The following ZNF804B variants were observed in gnomAD, a reference collection of about 807,000 sequenced individuals.
The protein encoded by ZNF804B is zinc finger protein 804B.
Under a neutral mutation model 101.4 loss-of-function variants are expected in ZNF804B, and 80 were observed. The observed-to-expected ratio is 0.79, with a 90% CI of 0.66 to 0.95. The LOEUF (loss-of-function observed/expected upper bound fraction) is 0.95, where lower values mean the gene tolerates loss of function less well. Among genes scored for constraint, ZNF804B ranks in the 40% least tolerant of loss-of-function variants. The pLI is 0.00. For synonymous variants in ZNF804B, 622 were observed against 558.8 expected (o/e 1.11, Z -1.59); for missense variants, 1,673 against 1,561.9 (o/e 1.07, Z -1.20).
At chr7:89,003,090 G>A (rs1442824748) in intron 1 of ZNF804B, among the ~76,000 whole-genome samples, 1 of 150,426 alleles carries the variant, frequency 6.6e-6, no homozygotes, top group East Asian at 1.9e-4. Context: ...GTAAGCTAAT[G>A]TACCACTAGA....
chr7:89,236,101 T>G (rs1357072360), intron 2 of ZNF804B, among the ~76,000 whole-genome samples: 1 of 152,108 alleles, frequency 6.6e-6, no homozygotes, highest in Non-Finnish European at 1.5e-5. Context: ...AGCAGGTAAA[T>G]TTTTATCATT....
At chr7:88,803,032 T>A (rs1790613957) in intron 1 of ZNF804B, among the ~76,000 whole-genome samples, 1 of 152,162 alleles carries the variant, frequency 6.6e-6, no homozygotes, top group African/African-American at 2.4e-5. Context: ...CCCAACCTTA[T>A]TTTTAAAAAG....
At chr7:89,230,794 T>A (rs1223029904) in intron 2 of ZNF804B, among the ~76,000 whole-genome samples, 24 of 152,100 alleles carry the variant, frequency 1.6e-4, no homozygotes, top group Admixed American at 1.6e-3. Flanking sequence ...TTATAGTATG[T>A]GTGTAGTGGT....
chr7:88,881,741 A>G (rs779354281), intron 1 of ZNF804B, among the ~76,000 whole-genome samples: 1 of 152,076 alleles, frequency 6.6e-6, no homozygotes, highest in Non-Finnish European at 1.5e-5. Flanking sequence ...GCAATTTTCC[A>G]TTATATATTT....
rs1562904583 is a variant in ZNF804B at position 89,171,359 on chromosome 7, C to CTTCT, written c.109-46795_109-46794insTCTT. On this transcript the variant is annotated intron_variant, in intron 1 of 3. Transcript: ENST00000333190. ...CTTCTTCTTCTTCTTCTTCTTCTTC[C>CTTCT]TCCTCTTCCTCTTCTTCCTCTTCTT... Among the ~76,000 whole-genome samples the CTTCT allele has an allele frequency of 8.0e-3, 533 of 66,714 alleles. 3 individuals are homozygous for CTTCT. The highest frequency in any genetic ancestry group is 9.6e-3 in the Non-Finnish European group (297 of 30,784). The allele number at this position is 66,714 out of a possible 152,430, so 43.8% of individuals were successfully genotyped here. A position where few individuals can be genotyped will look rare whatever the true frequency, so the allele number is the denominator to read the frequency against.
At chr7:88,806,876 G>T (rs1488757965) in intron 1 of ZNF804B, among the ~76,000 whole-genome samples, 1 of 151,886 alleles carries the variant, frequency 6.6e-6, no homozygotes, top group Admixed American at 6.6e-5. Flanking sequence ...TGCCTCCAGT[G>T]ATCTATTTGA....
intron 1 of ZNF804B, among the ~76,000 whole-genome samples, chr7:89,051,786 G>T (rs890545886): frequency 1.3e-5 from 2 of 152,082 alleles, no homozygotes; most frequent in East Asian, 1.9e-4. Flanking sequence ...AGCACAGACT[G>T]GTGTCAGACT....
intron 1 of ZNF804B, among the ~76,000 whole-genome samples, chr7:88,968,542 G>A (rs921527181): frequency 6.6e-6 from 1 of 151,630 alleles, no homozygotes; most frequent in Non-Finnish European, 1.5e-5. Flanking sequence ...ACAAGATTGT[G>A]TTGAGACTGA....
chr7:89,100,827 C>G (rs73391291), intron 1 of ZNF804B, among the ~76,000 whole-genome samples: 3,451 of 151,904 alleles, frequency 0.023, 156 homozygotes, highest in African/African-American at 0.079. Context: ...AACAAATTAT[C>G]TCACATACTA....
At chr7:88,788,772 G>A (rs745652527) in intron 1 of ZNF804B, among the ~76,000 whole-genome samples, 15 of 152,082 alleles carry the variant, frequency 9.9e-5, no homozygotes, top group Non-Finnish European at 1.9e-4. Context: ...TGAGGTCATG[G>A]CATTAATTAG....
intron 1 of ZNF804B, among the ~76,000 whole-genome samples, chr7:88,768,909 A>G (rs1194040748): frequency 6.6e-6 from 1 of 152,192 alleles, no homozygotes; most frequent in African/African-American, 2.4e-5. Context: ...TTTGCCATTG[A>G]CTAGTAATTT....
intron 1 of ZNF804B, among the ~76,000 whole-genome samples, chr7:88,888,395 A>AAT (rs758978336): frequency 2.4e-4 from 37 of 152,026 alleles, no homozygotes; most frequent in Non-Finnish European, 4.3e-4. Context: ...CTGCCTCAAA[A>AAT]ATATATATAT....
chr7:88,848,005 C>G (rs1026891027), intron 1 of ZNF804B, among the ~76,000 whole-genome samples: 6 of 152,102 alleles, frequency 3.9e-5, no homozygotes, highest in Non-Finnish European at 7.3e-5. Context: ...TTTGGTATGG[C>G]TAGAGCAATG....
At chr7:88,902,151 A>C (rs865983295) in intron 1 of ZNF804B, among the ~76,000 whole-genome samples, 2 of 152,010 alleles carry the variant, frequency 1.3e-5, no homozygotes, top group Admixed American at 1.3e-4. Flanking sequence ...GACTTTCTTG[A>C]CTAAGCCACA....
rs149405766 is a variant in ZNF804B, at chr7:89,241,367, C to G, written c.249+23072C>G. ...CCTTTGTTGGTGCTTTTTTCCTTCT[C>G]TGAACCACTACCTCTACTCCCTGCC... On this transcript the variant is annotated intron_variant, in intron 2 of 3. Transcript: ENST00000333190. Among the ~76,000 whole-genome samples the G allele has an allele frequency of 2.8e-3, 431 of 152,122 alleles. 3 individuals are homozygous for G. The highest frequency in any genetic ancestry group is 4.3e-3 in the Non-Finnish European group (294 of 67,972).
chr7:89,243,193 C>T (rs182405330), intron 2 of ZNF804B, among the ~76,000 whole-genome samples: 1 of 151,670 alleles, frequency 6.6e-6, no homozygotes, highest in African/African-American at 2.4e-5. Flanking sequence ...AAAAAATGGC[C>T]TTTATGAGTA....
chr7:89,218,311 A>G lies in ZNF804B; in HGVS notation c.249+16A>G. ...TCATAAGCAGGTAAGGCAAAGTGGG[A>G]AAAGTCCTTCATATTCCTGTATTTA... On this transcript the variant is annotated intron_variant, in intron 2 of 3. Transcript: ENST00000333190. 1 of 1,613,038 alleles carries G rather than the reference A, an allele frequency of 6.2e-7. No individual in the cohort carries two copies. Among genetic ancestry groups the G allele is most frequent in the South Asian group, 1.1e-5 (1 of 90,894 alleles).
intron 1 of ZNF804B, among the ~76,000 whole-genome samples, chr7:89,165,769 C>G (rs1415731198): frequency 1.3e-5 from 2 of 152,086 alleles, no homozygotes; most frequent in African/African-American, 4.8e-5. Context: ...GCAACTTCAA[C>G]TTGGTTCAAC....
intron 2 of ZNF804B, among the ~76,000 whole-genome samples, chr7:89,246,854 C>T (rs1463968791): frequency 6.6e-6 from 1 of 152,140 alleles, no homozygotes; most frequent in African/African-American, 2.4e-5. Context: ...AGATTGGCAA[C>T]CTGAGCTGCC....
Sources: gnomAD v4.1 joint callset for allele counts (sites outside exome capture counted in the v4.1 genomes callset) on GRCh38, gnomAD v4.1.1 for gene constraint, MANE v1.5 for transcripts, NCBI Gene and HGNC (gene_info 2026-07-23, HGNC 2026-07-21) for gene names.